The following MCTP1 variants were observed in gnomAD, a reference collection of about 807,000 sequenced individuals.
MCTP1 encodes the protein multiple C2 and transmembrane domain-containing protein 1.
MCTP1 carries 69 observed loss-of-function variants against 120.6 expected under a neutral mutation model. The ratio of observed to expected loss-of-function variants is 0.57; its 90% confidence interval spans 0.47 to 0.70. MCTP1 has a LOEUF of 0.70. Ranked by LOEUF, MCTP1 falls within the 30% of genes least tolerant of loss-of-function variation. MCTP1 has a pLI of 0.00. For synonymous variants in MCTP1, 529 were observed against 493.1 expected, an observed-to-expected ratio of 1.07 and a Z score of -0.96; for missense variants, 1,203 against 1,248.8, an observed-to-expected ratio of 0.96 and a Z score of 0.55.
At chr5:95,081,866 T>C (rs938564947) in intron 1 of MCTP1, 2 of 997,348 alleles carry the variant, frequency 2.0e-6, no homozygotes, top group South Asian at 4.7e-5. Context: ...CTCTTCCTCA[T>C]GGCAAAAGCC....
At chr5:95,256,720 A>G (rs1397900211) in intron 1 of MCTP1, among the ~76,000 whole-genome samples, 2 of 152,214 alleles carry the variant, frequency 1.3e-5, no homozygotes, top group African/African-American at 4.8e-5. Flanking sequence ...TCAGAAATGC[A>G]GCTAAAAAAA....
chr5:94,844,301 C>CAAAAAAAAAAAA (rs59169145), intron 17 of MCTP1, among the ~76,000 whole-genome samples: 8 of 79,674 alleles, frequency 1.0e-4, no homozygotes, highest in Admixed American at 1.6e-4. Context: ...GACTCTGTCT[C>CAAAAAAAAAAAA]AAAAAAAAAA....
At chr5:94,954,397 T>C (rs996283477) in intron 2 of MCTP1, among the ~76,000 whole-genome samples, 19 of 151,614 alleles carry the variant, frequency 1.3e-4, no homozygotes, top group Admixed American at 1.1e-3. Flanking sequence ...ACACTGGAGA[T>C]TCCAAAAGGT....
intron 17 of MCTP1, chr5:94,826,276 T>G (rs1174500062): frequency 1.7e-5 from 8 of 464,280 alleles, no homozygotes; most frequent in Non-Finnish European, 2.8e-5. Flanking sequence ...GGAACCCCCA[T>G]GCAATATATG....
intron 2 of MCTP1, among the ~76,000 whole-genome samples, chr5:95,001,009 T>G (rs751781940): frequency 1.3e-5 from 2 of 152,242 alleles, no homozygotes; most frequent in Non-Finnish European, 2.9e-5. Flanking sequence ...AACTGAATCA[T>G]GTCGGCAGTT....
chr5:94,885,301 GA>G (rs1218534202), intron 12 of MCTP1, among the ~76,000 whole-genome samples: 104 of 116,764 alleles, frequency 8.9e-4, no homozygotes, highest in East Asian at 2.7e-3. Flanking sequence ...TAGGAGCTCA[GA>G]AAAAAAAAAA....
intron 1 of MCTP1, among the ~76,000 whole-genome samples, chr5:95,125,432 A>G (rs1156403572): frequency 6.6e-6 from 1 of 152,156 alleles, no homozygotes; most frequent in Non-Finnish European, 1.5e-5. Context: ...CTTTTCTCCT[A>G]AAGACTCTTC....
At chr5:95,253,356 G>T (rs986582233) in intron 1 of MCTP1, among the ~76,000 whole-genome samples, 1 of 152,026 alleles carries the variant, frequency 6.6e-6, no homozygotes, top group Non-Finnish European at 1.5e-5. Context: ...CATCTACCTG[G>T]TATAATTTGA....
chr5:95,123,348 C>T (rs1426396116), intron 1 of MCTP1, among the ~76,000 whole-genome samples: 2 of 151,956 alleles, frequency 1.3e-5, no homozygotes, highest in African/African-American at 4.8e-5. Flanking sequence ...TTTTCTTATC[C>T]ACTGGATTAG....
In MCTP1 at chr5:94,942,380, G is replaced by A. The variant is rs142378017; in HGVS notation, c.1029C>T (p.Ala343=). ...ACTCCAATTGTGTCAGATCCAGAAAGGCTGAGCCCATAAAGTCATCCTGTA... is the reference window on the plus strand; with the variant it reads ...ACTCCAATTGTGTCAGATCCAGAAAAGCTGAGCCCATAAAGTCATCCTGTA... ...FGLQDDFMGS[A]FLDLTQLELN... Residue 343 remains alanine (A), a synonymous_variant, in exon 4 of 23, where the codon GCC becomes GCT. Coordinates refer to ENST00000515393, the MANE Select transcript of MCTP1 (RefSeq NM_024717.7). The A allele has an allele frequency of 5.6e-6, 9 of 1,611,276 alleles. No homozygotes were observed. In the African/African-American group the frequency reaches 1.2e-4, roughly 22 times the overall value.
At chr5:95,244,846 GC>G (rs1468895270) in intron 1 of MCTP1, among the ~76,000 whole-genome samples, 2 of 152,192 alleles carry the variant, frequency 1.3e-5, no homozygotes, top group Admixed American at 1.3e-4. Context: ...GGTTCTCTCA[GC>G]ATGGCGTTTG....
At chr5:94,849,773 A>G (rs1191254418) in intron 17 of MCTP1, among the ~76,000 whole-genome samples, 1 of 152,156 alleles carries the variant, frequency 6.6e-6, no homozygotes, top group Non-Finnish European at 1.5e-5. Flanking sequence ...GCTTTTTGGT[A>G]TGGAACACAG....
chr5:94,791,507 A>ACACACACACG (rs1778963290), intron 18 of MCTP1, among the ~76,000 whole-genome samples: 1 of 151,696 alleles, frequency 6.6e-6, no homozygotes, highest in Admixed American at 6.6e-5. Context: ...AAATACACAC[A>ACACACACACG]CACACACACA....
intron 19 of MCTP1, among the ~76,000 whole-genome samples, chr5:94,746,243 G>C (rs970181688): frequency 1.3e-5 from 2 of 152,134 alleles, no homozygotes; most frequent in Non-Finnish European, 2.9e-5. Flanking sequence ...GACAATATCC[G>C]CCACACTTGA....
intron 19 of MCTP1, among the ~76,000 whole-genome samples, chr5:94,745,764 C>T (rs777934890): frequency 1.4e-4 from 21 of 152,254 alleles, no homozygotes; most frequent in African/African-American, 4.1e-4. Context: ...ACAAAGTGCT[C>T]GGCTGCAAGC....
intron 17 of MCTP1, among the ~76,000 whole-genome samples, chr5:94,832,652 C>T (rs1788799446): frequency 6.7e-6 from 1 of 149,452 alleles, no homozygotes; most frequent in South Asian, 2.1e-4. Flanking sequence ...ACACACTTCC[C>T]TACTCCCCTT....
chr5:94,953,420 C>A, intron 2 of MCTP1, 59 bp from the exon 3 acceptor site: 2 of 1,360,018 alleles, frequency 1.5e-6, no homozygotes, highest in Admixed American at 5.6e-5. Context: ...GCAAGAGAAC[C>A]ACTCTTTTGA....
chr5:94,878,909 A>C (rs1799476754), intron 12 of MCTP1, among the ~76,000 whole-genome samples: 1 of 152,036 alleles, frequency 6.6e-6, no homozygotes, highest in Non-Finnish European at 1.5e-5. Context: ...TTATAGATTT[A>C]ATTGGGGTGG....
At chr5:94,789,374 A>G (rs1580700758) in intron 18 of MCTP1, 1 of 152,240 alleles carries the variant, frequency 6.6e-6, no homozygotes, top group Non-Finnish European at 1.5e-5. Context: ...GACTTTTAAA[A>G]ATAGAAGTGT....
Sources: allele counts gnomAD v4.1 joint callset (sites outside exome capture counted in the v4.1 genomes callset), GRCh38; gene constraint gnomAD v4.1.1; transcripts MANE v1.5; gene names NCBI Gene and HGNC (gene_info 2026-07-23, HGNC 2026-07-21).